The following SH3RF1 variants were observed in gnomAD, a reference collection of about 807,000 sequenced individuals.
The protein encoded by SH3RF1 is E3 ubiquitin-protein ligase SH3RF1.
Under a neutral mutation model 74.0 loss-of-function variants are expected in SH3RF1, and 32 were observed. That is an observed-to-expected ratio of 0.43 (90% CI 0.33 to 0.58). The LOEUF (loss-of-function observed/expected upper bound fraction) is 0.58, where lower values mean the gene tolerates loss of function less well. SH3RF1 is among the 20% of genes least tolerant of loss of function. The probability of loss-of-function intolerance (pLI) is 0.05; values close to 1 mark genes in which losing one functional copy is unlikely to be tolerated. For missense variants in SH3RF1, 954 were observed against 1,130.9 expected (o/e 0.84, Z 2.24); for synonymous variants, 396 against 439.6 (o/e 0.90, Z 1.24).
intron 6 of SH3RF1, among the ~76,000 whole-genome samples, chr4:169,126,167 G>A (rs1030467090): frequency 3.9e-5 from 6 of 152,292 alleles, no homozygotes; most frequent in South Asian, 4.1e-4. Context: ...TGTCTCACCC[G>A]TCTTTGTATT....
At chr4:169,146,124 C>A (rs557991884) in intron 4 of SH3RF1, among the ~76,000 whole-genome samples, 11 of 127,288 alleles carry the variant, frequency 8.6e-5, no homozygotes, top group African/African-American at 3.2e-4. Flanking sequence ...TCTATATATT[C>A]TATATATTAT....
At chr4:169,128,244 G>T (rs1007739364) in intron 6 of SH3RF1, among the ~76,000 whole-genome samples, 1 of 152,154 alleles carries the variant, frequency 6.6e-6, no homozygotes, top group African/African-American at 2.4e-5. Context: ...GAGATGAGAG[G>T]TCATGATGGT....
At chr4:169,260,451 G>C (rs932231954) in intron 2 of SH3RF1, among the ~76,000 whole-genome samples, 2 of 152,158 alleles carry the variant, frequency 1.3e-5, no homozygotes, top group Admixed American at 1.3e-4. Flanking sequence ...GGTGCTGCAA[G>C]GCAGAGAAGT....
intron 4 of SH3RF1, among the ~76,000 whole-genome samples, chr4:169,151,170 C>T (rs1733970067): frequency 6.6e-6 from 1 of 152,116 alleles, no homozygotes. Flanking sequence ...GTACTACAGG[C>T]GCTGTGCAAA....
intron 2 of SH3RF1, among the ~76,000 whole-genome samples, chr4:169,160,807 G>A (rs990955947): frequency 3.9e-5 from 6 of 152,162 alleles, no homozygotes; most frequent in Non-Finnish European, 8.8e-5. Flanking sequence ...AGGATAAACG[G>A]TTAAACGACT....
chr4:169,147,611 G>A (rs962726974), intron 4 of SH3RF1, among the ~76,000 whole-genome samples: 9 of 152,084 alleles, frequency 5.9e-5, no homozygotes, highest in African/African-American at 1.9e-4. Flanking sequence ...AGGAATTTTC[G>A]CCCCACAAAT....
intron 2 of SH3RF1, among the ~76,000 whole-genome samples, chr4:169,228,024 G>A (rs1730677826): frequency 6.6e-6 from 1 of 152,098 alleles, no homozygotes; most frequent in Non-Finnish European, 1.5e-5. Flanking sequence ...GCAACATAAC[G>A]CATTTTTAAC....
chr4:169,140,404 T>C (rs1402705980), intron 4 of SH3RF1, among the ~76,000 whole-genome samples: 1 of 152,208 alleles, frequency 6.6e-6, no homozygotes. Flanking sequence ...AAATACCTTC[T>C]TCCAAGCATT....
chr4:169,253,815 A>C (rs1244802441), intron 2 of SH3RF1, among the ~76,000 whole-genome samples: 1 of 152,246 alleles, frequency 6.6e-6, no homozygotes, highest in Non-Finnish European at 1.5e-5. Context: ...AATTCCTATT[A>C]GATCAATTTC....
chr4:169,105,639 A>G (rs1733120179), intron 11 of SH3RF1, among the ~76,000 whole-genome samples: 1 of 152,220 alleles, frequency 6.6e-6, no homozygotes, highest in Admixed American at 6.5e-5. Context: ...CACGCCTGTA[A>G]TCGCAGCATT....
chr4:169,214,069 C>G (rs1443232122), intron 2 of SH3RF1, among the ~76,000 whole-genome samples: 1 of 152,200 alleles, frequency 6.6e-6, no homozygotes, highest in African/African-American at 2.4e-5. Flanking sequence ...TGTCTGTCCC[C>G]TCCAAATCTC....
chr4:169,182,741 G>A (rs1233750917), intron 2 of SH3RF1, among the ~76,000 whole-genome samples: 1 of 152,080 alleles, frequency 6.6e-6, no homozygotes, highest in Non-Finnish European at 1.5e-5. Flanking sequence ...AAGTGTTCAA[G>A]TGTAAAGAAC....
chr4:169,205,669 A>C (rs1730243920), intron 2 of SH3RF1, among the ~76,000 whole-genome samples: 2 of 152,198 alleles, frequency 1.3e-5, no homozygotes, highest in African/African-American at 2.4e-5. Context: ...GAAGGAGCCC[A>C]ATGAATGACG....
At chr4:169,211,468 C>A (rs1475392901) in intron 2 of SH3RF1, among the ~76,000 whole-genome samples, 4 of 129,342 alleles carry the variant, frequency 3.1e-5, no homozygotes, top group Non-Finnish European at 6.3e-5. Flanking sequence ...GGCAACAGAG[C>A]GAGACTCCGT....
chr4:169,232,479 A>G (rs2127007955), intron 2 of SH3RF1, among the ~76,000 whole-genome samples: 1 of 152,346 alleles, frequency 6.6e-6, no homozygotes, highest in East Asian at 1.9e-4. Flanking sequence ...CCAAAGTCAC[A>G]TAATAATGAA....
chr4:169,267,548 T>A lies in SH3RF1; in HGVS notation c.393+1272A>T, dbSNP rs559345069. ...CCAAATAAGGAAAAGAAAACCTCCC[T>A]ATCCCAGAGTTCTCACTATCTTTAA... On this transcript the variant is annotated intron_variant, in intron 2 of 11. Transcript: ENST00000284637. 3.3e-5 allele frequency among the ~76,000 whole-genome samples: 5 copies of A among 152,312 alleles called. No individual in the cohort carries two copies. The South Asian group carries it at 1.0e-3, about 32-fold the overall frequency.
At chr4:169,119,473 T>C (rs1343855752) in intron 8 of SH3RF1, among the ~76,000 whole-genome samples, 2 of 151,874 alleles carry the variant, frequency 1.3e-5, no homozygotes, top group Non-Finnish European at 2.9e-5. Flanking sequence ...ATAAAGATGT[T>C]TGACAAAAAA....
rs374311814 is a variant in SH3RF1, at chr4:169,117,495, A to G, written c.1777+28T>C. Reference sequence around the variant, plus strand: ...TTAGGCAGGTAAGCCCTTTATCCTGATATGTTCTGGCCTGGGTTCCTCCTT... The same window carrying G: ...TTAGGCAGGTAAGCCCTTTATCCTGGTATGTTCTGGCCTGGGTTCCTCCTT... On this transcript the variant is annotated intron_variant, in intron 9 of 11. Coordinates refer to ENST00000284637, the MANE Select transcript of SH3RF1 (RefSeq NM_020870.4). 5.5e-5 allele frequency: 88 copies of G among 1,609,454 alleles called. No individual in the cohort carries two copies. The African/African-American group carries it at 1.1e-3, about 20-fold the overall frequency.
intron 2 of SH3RF1, among the ~76,000 whole-genome samples, chr4:169,266,251 C>T (rs1201089960): frequency 6.6e-6 from 1 of 152,202 alleles, no homozygotes. Flanking sequence ...CACATGGTCA[C>T]AGCCTAACCA....
Sources: allele counts gnomAD v4.1 joint callset (sites outside exome capture counted in the v4.1 genomes callset), GRCh38; gene constraint gnomAD v4.1.1; transcripts MANE v1.5; gene names NCBI Gene and HGNC (gene_info 2026-07-23, HGNC 2026-07-21).